Variants in SPATA31F1 observed in about 807,000 individuals in gnomAD.
The protein encoded by SPATA31F1 is protein SPATA31F1.
At chr9:34,725,850 G>C in the SPATA31F1 span, 2 of 1,551,648 alleles carry the variant, frequency 1.3e-6, no homozygotes, top group African/African-American at 2.7e-5. Flanking sequence ...TCCTTCAAGG[G>C]GGGCTTGGGC....
the SPATA31F1 span, chr9:34,723,309 C>T: frequency 1.9e-6 from 3 of 1,551,668 alleles, no homozygotes; most frequent in Non-Finnish European, 2.6e-6. Flanking sequence ...TAGCCCAGGG[C>T]TGAGGCAGAG....
chr9:34,726,961 A>T, the SPATA31F1 span: 2 of 1,550,048 alleles, frequency 1.3e-6, no homozygotes, highest in African/African-American at 2.7e-5. Context: ...TTCGCCGCAC[A>T]CTTCTCTCCA....
the SPATA31F1 span, chr9:34,729,234 T>C: frequency 3.3e-6 from 5 of 1,524,558 alleles, no homozygotes; most frequent in South Asian, 1.3e-5. Flanking sequence ...TAAGAACTTA[T>C]AGGCTTCTTA....
At chr9:34,723,505 G>A in the SPATA31F1 span, 2 of 1,551,662 alleles carry the variant, frequency 1.3e-6, no homozygotes, top group African/African-American at 2.7e-5. Context: ...TTTCTTTTCT[G>A]GTTTTGGCCA....
chr9:34,727,944 A>G, the SPATA31F1 span: 1 of 1,331,694 alleles, frequency 7.5e-7, no homozygotes, highest in Non-Finnish European at 1.0e-6. Context: ...CTTTCTCCTT[A>G]GTCCTGCCCC....
the SPATA31F1 span, chr9:34,726,999 A>G: frequency 1.3e-6 from 2 of 1,541,734 alleles, no homozygotes; most frequent in Non-Finnish European, 1.8e-6. Flanking sequence ...CTAGGAAGGG[A>G]AACACGGCAA....
chr9:34,728,700 C>A, the SPATA31F1 span: 1 of 1,525,584 alleles, frequency 6.6e-7, no homozygotes, highest in East Asian at 2.5e-5. Flanking sequence ...ACACCATTTT[C>A]TTTCTCATGT....
the SPATA31F1 span, chr9:34,726,627 C>G: frequency 2.4e-5 from 37 of 1,551,560 alleles, no homozygotes; most frequent in Non-Finnish European, 3.1e-5. Context: ...AATTCCTGCC[C>G]TAGCTGGAGG....
chr9:34,724,757 A>G, the SPATA31F1 span: 4 of 1,551,710 alleles, frequency 2.6e-6, no homozygotes, highest in African/African-American at 1.4e-5. Context: ...AAATGAAACC[A>G]TCTGAATCAG....
the SPATA31F1 span, chr9:34,724,960 C>T: frequency 6.4e-7 from 1 of 1,551,610 alleles, no homozygotes; most frequent in Non-Finnish European, 8.7e-7. Context: ...CTCGGAGCAG[C>T]TTAGGGTGTT....
the SPATA31F1 span, among the ~76,000 whole-genome samples, chr9:34,728,904 G>A: frequency 1.3e-5 from 2 of 152,114 alleles, no homozygotes; most frequent in Admixed American, 1.3e-4. Flanking sequence ...AGTCCTGCTG[G>A]ATGCTGAGGA....
the SPATA31F1 span, chr9:34,723,147 T>G: frequency 1.8e-5 from 26 of 1,451,748 alleles, 1 homozygote; most frequent in South Asian, 3.4e-4. Flanking sequence ...GCTGCAGCAG[T>G]TGGGGAGCCT....
At chr9:34,723,098 T>A in the SPATA31F1 span, 5 of 1,093,170 alleles carry the variant, frequency 4.6e-6, no homozygotes, top group Non-Finnish European at 6.4e-6. Context: ...CTGTCCCACC[T>A]GCACATTTAT....
the SPATA31F1 span, chr9:34,727,057 A>T: frequency 6.7e-7 from 1 of 1,496,758 alleles, no homozygotes. Flanking sequence ...TGTGGGCTGG[A>T]GTGGGCACTC....
the SPATA31F1 span, chr9:34,727,967 G>A: frequency 6.6e-7 from 1 of 1,515,358 alleles, no homozygotes; most frequent in Non-Finnish European, 8.9e-7. Flanking sequence ...GCCAAGCCAA[G>A]AAATCATCAT....
chr9:34,723,379 G>T, the SPATA31F1 span: 1 of 1,551,732 alleles, frequency 6.4e-7, no homozygotes. Context: ...CATCCAAGAA[G>T]GCTGGGCCCA....
chr9:34,723,519 T>C, the SPATA31F1 span: 2 of 1,551,714 alleles, frequency 1.3e-6, no homozygotes, highest in Non-Finnish European at 1.7e-6. Flanking sequence ...TTGGCCACCT[T>C]CGCAGCGGCT....
the SPATA31F1 span, chr9:34,726,495 G>T: frequency 6.4e-7 from 1 of 1,551,642 alleles, no homozygotes. Context: ...TGCTGGCCTT[G>T]GTTTCCCTGG....
the SPATA31F1 span, chr9:34,726,364 C>T: frequency 3.3e-5 from 51 of 1,547,688 alleles, no homozygotes; most frequent in African/African-American, 6.4e-4. Context: ...CAAGAAGCCT[C>T]AGCACTTCAG....
Sources: allele counts gnomAD v4.1 joint callset (sites outside exome capture counted in the v4.1 genomes callset), GRCh38; gene constraint gnomAD v4.1.1; transcripts MANE v1.5; gene names NCBI Gene and HGNC (gene_info 2026-07-23, HGNC 2026-07-21).